SPATS2L: variants seen among roughly 807,000 people sequenced by gnomAD.
SPATS2L encodes the protein SPATS2-like protein.
In SPATS2L, 30 loss-of-function variants were observed where a neutral mutation model predicts 59.6. The ratio of observed to expected loss-of-function variants is 0.50; its 90% CI spans 0.38 to 0.68. The LOEUF (loss-of-function observed/expected upper bound fraction) is 0.68, where lower values mean the gene tolerates loss of function less well. Among genes scored for constraint, SPATS2L ranks in the 30% least tolerant of loss-of-function variants. SPATS2L has a pLI of 0.00. For synonymous variants in SPATS2L, 252 were observed against 263.5 expected (o/e 0.96, Z 0.42); for missense variants, 615 against 700.0 (o/e 0.88, Z 1.37).
At chr2:200,346,191 A>G (rs2080506093) in intron 2 of SPATS2L, among the ~76,000 whole-genome samples, 2 of 152,252 alleles carry the variant, frequency 1.3e-5, no homozygotes, top group South Asian at 4.1e-4. Context: ...TTACAGTAAC[A>G]TCTGGCAGAC....
intron 3 of SPATS2L, among the ~76,000 whole-genome samples, chr2:200,402,985 T>C (rs956314446): frequency 1.3e-5 from 2 of 152,210 alleles, no homozygotes; most frequent in Non-Finnish European, 2.9e-5. Flanking sequence ...AACTTACATA[T>C]TGAAATTTAA....
At chr2:200,449,599 A>T (rs1242164117) in intron 8 of SPATS2L, among the ~76,000 whole-genome samples, 2 of 152,232 alleles carry the variant, frequency 1.3e-5, no homozygotes, top group South Asian at 2.1e-4. Context: ...TTTTCATCAT[A>T]AAATAGAAAA....
chr2:200,473,140 G>A (rs2087201707), intron 12 of SPATS2L, 88 bp downstream of exon 12: 1 of 1,288,146 alleles, frequency 7.8e-7, no homozygotes, highest in Non-Finnish European at 1.1e-6. Flanking sequence ...TAGATTCTGG[G>A]CCTCCTGGGG....
chr2:200,383,047 T>A (rs983229422), intron 2 of SPATS2L, among the ~76,000 whole-genome samples: 1 of 152,170 alleles, frequency 6.6e-6, no homozygotes, highest in African/African-American at 2.4e-5. Context: ...CACGTCCGAA[T>A]ACCCTGCGGG....
At chr2:200,371,483 G>A (rs1405946699) in intron 2 of SPATS2L, among the ~76,000 whole-genome samples, 1 of 152,128 alleles carries the variant, frequency 6.6e-6, no homozygotes, top group Non-Finnish European at 1.5e-5. Flanking sequence ...TAGGATGCAT[G>A]GATCCCCATT....
intron 2 of SPATS2L, among the ~76,000 whole-genome samples, chr2:200,330,847 C>T (rs981918070): frequency 6.6e-6 from 1 of 152,206 alleles, no homozygotes; most frequent in African/African-American, 2.4e-5. Flanking sequence ...ATGTTTTACC[C>T]TGCAAAAGAT....
intron 1 of SPATS2L, among the ~76,000 whole-genome samples, chr2:200,320,349 G>T (rs931499385): frequency 6.6e-6 from 1 of 152,142 alleles, no homozygotes; most frequent in African/African-American, 2.4e-5. Context: ...GTATCTAAGA[G>T]AAAATAATTT....
intron 2 of SPATS2L, chr2:200,351,115 A>C (rs1415402147): frequency 2.5e-6 from 1 of 396,360 alleles, no homozygotes; most frequent in Non-Finnish European, 5.2e-6. Context: ...AAGTGTTTTG[A>C]AAATGAAATG....
At chr2:200,318,608 T>C (rs979042707) in intron 1 of SPATS2L, among the ~76,000 whole-genome samples, 2 of 152,190 alleles carry the variant, frequency 1.3e-5, no homozygotes, top group Admixed American at 6.5e-5. Context: ...ATGAAAACTT[T>C]TGTGGAATTT....
chr2:200,356,822 A>G (rs1267385499), intron 2 of SPATS2L, among the ~76,000 whole-genome samples: 15 of 152,190 alleles, frequency 9.9e-5, no homozygotes, highest in Admixed American at 9.8e-4. Flanking sequence ...TGTCTGGTGA[A>G]GGGAGGGCCT....
chr2:200,358,780 G>C (rs566686203), intron 2 of SPATS2L, among the ~76,000 whole-genome samples: 1 of 151,982 alleles, frequency 6.6e-6, no homozygotes, highest in Non-Finnish European at 1.5e-5. Context: ...TTGAGGCCAG[G>C]AGTTTGAGAC....
At chr2:200,460,903 C>G (rs1175622353) in intron 9 of SPATS2L, 1 of 151,768 alleles carries the variant, frequency 6.6e-6, no homozygotes, top group African/African-American at 2.4e-5. Context: ...AGCTCCACCT[C>G]CCAGGTTCAC....
At chr2:200,422,067 C>A (rs1344638107) in intron 6 of SPATS2L, among the ~76,000 whole-genome samples, 1 of 152,212 alleles carries the variant, frequency 6.6e-6, no homozygotes, top group Non-Finnish European at 1.5e-5. Context: ...GGAATGGGTA[C>A]AAGGGGGCTT....
intron 2 of SPATS2L, among the ~76,000 whole-genome samples, chr2:200,387,276 C>T (rs761421102): frequency 3.3e-5 from 5 of 152,134 alleles, no homozygotes; most frequent in Non-Finnish European, 5.9e-5. Context: ...TCCTATATGC[C>T]AAGTCCAGGG....
chr2:200,377,849 T>C (rs2081652462), intron 2 of SPATS2L, among the ~76,000 whole-genome samples: 2 of 152,196 alleles, frequency 1.3e-5, no homozygotes, highest in African/African-American at 2.4e-5. Flanking sequence ...TGTGTACTAA[T>C]TGATTGATAT....
chr2:200,332,911 A>G (rs968650601), intron 2 of SPATS2L, among the ~76,000 whole-genome samples: 2 of 152,098 alleles, frequency 1.3e-5, no homozygotes, highest in African/African-American at 4.8e-5. Flanking sequence ...CATATGCTAG[A>G]ATACTATACA....
chr2:200,417,265 A>G (rs907253583), intron 5 of SPATS2L, among the ~76,000 whole-genome samples: 1 of 152,222 alleles, frequency 6.6e-6, no homozygotes, highest in African/African-American at 2.4e-5. Context: ...TATTACTTTC[A>G]TAAAACCCGA....
intron 2 of SPATS2L, among the ~76,000 whole-genome samples, chr2:200,362,678 T>C (rs966275316): frequency 6.6e-6 from 1 of 152,146 alleles, no homozygotes; most frequent in Non-Finnish European, 1.5e-5. Flanking sequence ...AAGGAAGTAA[T>C]GGATTTTGGG....
intron 1 of SPATS2L, among the ~76,000 whole-genome samples, chr2:200,311,676 C>T (rs1399575340): frequency 6.6e-6 from 1 of 152,138 alleles, no homozygotes; most frequent in African/African-American, 2.4e-5. Flanking sequence ...TCTACCACAT[C>T]CCATTGTATT....
Sources: gnomAD v4.1 joint callset for allele counts (sites outside exome capture counted in the v4.1 genomes callset) on GRCh38, gnomAD v4.1.1 for gene constraint, MANE v1.5 for transcripts, NCBI Gene and HGNC (gene_info 2026-07-23, HGNC 2026-07-21) for gene names.